Variants in OR51B5 observed in about 807,000 individuals in gnomAD.
The protein encoded by OR51B5 is olfactory receptor 51B5.
For synonymous variants in OR51B5, 186 were observed against 144.8 expected, an observed-to-expected ratio of 1.28 and a Z score of -2.04; for missense variants, 456 against 374.6, an observed-to-expected ratio of 1.22 and a Z score of -1.79.
rs1849250617 is a variant in OR51B5 at position 5,359,653 on chromosome 11, C to T, written n.85-12743G>A. On this transcript the variant is annotated intron_variant and non_coding_transcript_variant, in intron 1 of 4. Transcript: ENST00000415970. Reference sequence around the variant, plus strand: ...AATTGGAAAAAACTACTTTAAAGTTCATATGGAACCAAAAAAGAGCCCACA... The same window carrying T: ...AATTGGAAAAAACTACTTTAAAGTTTATATGGAACCAAAAAAGAGCCCACA... Among the ~76,000 whole-genome samples the T allele has an allele frequency of 2.7e-5, 4 of 149,746 alleles. No individual in the cohort carries two copies. In the South Asian group the frequency reaches 8.6e-4, roughly 32 times the overall value.
chr11:5,354,431 G>A (rs1849154868), intron 1 of OR51B5, among the ~76,000 whole-genome samples: 1 of 152,114 alleles, frequency 6.6e-6, no homozygotes, highest in African/African-American at 2.4e-5. Context: ...CTCCCTTTCT[G>A]TTCTTCCTTA....
At chr11:5,380,872 C>T (rs556958934) in intron 1 of OR51B5, among the ~76,000 whole-genome samples, 1 of 151,974 alleles carries the variant, frequency 6.6e-6, no homozygotes. Context: ...TTTCTTGTGC[C>T]CTGGGGATAG....
intron 1 of OR51B5, among the ~76,000 whole-genome samples, chr11:5,363,023 A>AATC (rs200058779): frequency 1.5e-4 from 2 of 13,528 alleles, no homozygotes; most frequent in African/African-American, 5.2e-4. Flanking sequence ...TGAAGGTTGA[A>AATC]AACAAGGAAA....
At chr11:5,503,862 T>C (rs1207861420) in intron 1 of OR51B5, among the ~76,000 whole-genome samples, 2 of 152,210 alleles carry the variant, frequency 1.3e-5, no homozygotes. Context: ...ATTAACTTGA[T>C]TTATTGCAGT....
At chr11:5,492,545 T>C (rs11037778) in intron 1 of OR51B5, among the ~76,000 whole-genome samples, 5,164 of 152,232 alleles carry the variant, frequency 0.034, 272 homozygotes, top group African/African-American at 0.11. Context: ...CCTTTCTCTG[T>C]GTAAAGGCAA....
At chr11:5,429,679 G>T (rs1850506566) in intron 1 of OR51B5, among the ~76,000 whole-genome samples, 1 of 152,138 alleles carries the variant, frequency 6.6e-6, no homozygotes, top group Non-Finnish European at 1.5e-5. Flanking sequence ...GCTGAGGAAG[G>T]GGCAGGATGG....
At position 5,343,513 on chromosome 11, in the gene OR51B5, G is replaced by A. The variant is rs201732422; in HGVS notation, c.12C>T (p.Ser4=). ...TCAATAGGAAGGGATGGGAGCTGCC[G>A]CTGGACGACATCCTGGGTTTATATA... The change falls in exon 1 of 1, where the codon AGC becomes AGT. Residue 4 remains serine (S), a synonymous_variant. Transcript: ENST00000300773. The A allele has an allele frequency of 1.1e-4, 103 of 929,648 alleles. 1 individual carries two copies. In the South Asian group the frequency reaches 1.3e-3, roughly 12 times the overall value. 57.6% of individuals were successfully genotyped at this position (929,648 alleles called of 1,614,324 possible).
chr11:5,374,134 C>A (rs958902991), intron 1 of OR51B5, among the ~76,000 whole-genome samples: 1 of 152,178 alleles, frequency 6.6e-6, no homozygotes, highest in Non-Finnish European at 1.5e-5. Context: ...TGAGACAAAA[C>A]TTCCAGAGGA....
chr11:5,444,679 C>T (rs1398234113), intron 1 of OR51B5, among the ~76,000 whole-genome samples: 2 of 152,118 alleles, frequency 1.3e-5, no homozygotes, highest in African/African-American at 4.8e-5. Context: ...GGCATCAGCT[C>T]ATTCTCCTAA....
intron 1 of OR51B5, among the ~76,000 whole-genome samples, chr11:5,380,751 C>A (rs916845783): frequency 6.6e-6 from 1 of 152,128 alleles, no homozygotes; most frequent in African/African-American, 2.4e-5. Flanking sequence ...CTATTTTGTG[C>A]ATGAGAGAGA....
chr11:5,373,165 A>G (rs1045297532), intron 1 of OR51B5, among the ~76,000 whole-genome samples: 2 of 151,664 alleles, frequency 1.3e-5, no homozygotes, highest in Admixed American at 1.3e-4. Flanking sequence ...GTCAACTCAA[A>G]ATAGATTAAA....
chr11:5,376,824 T>C (rs907704248), intron 1 of OR51B5, among the ~76,000 whole-genome samples: 2 of 149,768 alleles, frequency 1.3e-5, no homozygotes, highest in East Asian at 3.9e-4. Flanking sequence ...ATCAATAGCT[T>C]ACCAACCAAA....
chr11:5,496,029 G>T (rs554227118), intron 1 of OR51B5, among the ~76,000 whole-genome samples: 1 of 152,014 alleles, frequency 6.6e-6, no homozygotes, highest in Admixed American at 6.5e-5. Context: ...AAGTTACCAG[G>T]TACACCGGTG....
At chr11:5,422,937 A>C (rs781451597) in intron 1 of OR51B5, 2 of 1,614,086 alleles carry the variant, frequency 1.2e-6, no homozygotes, top group Non-Finnish European at 1.7e-6. Flanking sequence ...TGCCTGTCCC[A>C]CATTCTAGCT....
At position 5,418,432 on chromosome 11, in the gene OR51B5, C is replaced by T. The variant is rs996493850; in HGVS notation, n.85-71522G>A. ...ATAATAAAAACAAAACAAAACAAAA[C>T]AAAAAGAAAAACAAAACAAACAAAC... On this transcript the variant is annotated intron_variant and non_coding_transcript_variant, in intron 1 of 4. Transcript: ENST00000415970. 2.7e-5 allele frequency among the ~76,000 whole-genome samples: 3 copies of T among 112,554 alleles called. No homozygotes were observed. The Admixed American group carries it at 2.8e-4, about 11-fold the overall frequency. The allele number at this position is 112,554 out of a possible 152,430, so 73.8% of individuals were successfully genotyped here.
chr11:5,483,453 C>T (rs1851455240), intron 1 of OR51B5, among the ~76,000 whole-genome samples: 1 of 141,616 alleles, frequency 7.1e-6, no homozygotes, highest in African/African-American at 2.7e-5. Flanking sequence ...CACATGTATA[C>T]ATGTGTAACT....
intron 1 of OR51B5, among the ~76,000 whole-genome samples, chr11:5,369,447 T>A (rs1849418924): frequency 6.6e-6 from 1 of 152,146 alleles, no homozygotes; most frequent in Non-Finnish European, 1.5e-5. Context: ...GAAACAGACT[T>A]TTTATATATT....
intron 1 of OR51B5, among the ~76,000 whole-genome samples, chr11:5,386,334 G>A (rs1275492206): frequency 1.3e-5 from 2 of 152,086 alleles, no homozygotes; most frequent in African/African-American, 4.8e-5. Flanking sequence ...AGGCTACCAG[G>A]GCCATGCATA....
intron 1 of OR51B5, among the ~76,000 whole-genome samples, chr11:5,357,277 G>A (rs12421528): frequency 0.25 from 37,605 of 151,836 alleles, 5,818 homozygotes; most frequent in Non-Finnish European, 0.34. Context: ...AGGGATGGAG[G>A]AAGATCTACC....
Sources: gnomAD v4.1 joint callset for allele counts (sites outside exome capture counted in the v4.1 genomes callset) on GRCh38, gnomAD v4.1.1 for gene constraint, MANE v1.5 for transcripts, NCBI Gene and HGNC (gene_info 2026-07-23, HGNC 2026-07-21) for gene names.